The following ASCC3 variants were observed in gnomAD, a reference collection of about 807,000 sequenced individuals.
ASCC3 encodes the protein activating signal cointegrator 1 complex subunit 3.
In ASCC3, 158 loss-of-function variants were observed where a neutral mutation model predicts 256.3. The observed-to-expected ratio is 0.62, with a 90% CI of 0.54 to 0.70. The LOEUF (loss-of-function observed/expected upper bound fraction) is 0.70, where lower values mean the gene tolerates loss of function less well. Ranked by LOEUF, ASCC3 falls within the 30% of genes least tolerant of loss-of-function variation. The pLI, the probability that ASCC3 is intolerant of heterozygous loss-of-function variation, is 0.00. For missense variants in ASCC3, 2,259 were observed against 2,626.0 expected (o/e 0.86, Z 3.05); for synonymous variants, 948 against 883.4 (o/e 1.07, Z -1.30).
intron 13 of ASCC3, among the ~76,000 whole-genome samples, chr6:100,712,077 T>G (rs1157684480): frequency 6.6e-6 from 1 of 152,050 alleles, no homozygotes; most frequent in Admixed American, 6.6e-5. Flanking sequence ...GCAAAAAAAA[T>G]GAATCTAGAC....
At chr6:100,679,597 C>A (rs746976649) in intron 14 of ASCC3, 21 bp downstream of exon 14, 1 of 1,612,944 alleles carries the variant, frequency 6.2e-7, no homozygotes, top group Non-Finnish European at 8.5e-7. Context: ...TGCTTTAGTT[C>A]TTGTCCTCTT....
intron 10 of ASCC3, among the ~76,000 whole-genome samples, chr6:100,742,421 G>A (rs553218848): frequency 2.9e-4 from 44 of 152,234 alleles, no homozygotes; most frequent in African/African-American, 9.1e-4. Flanking sequence ...TAGGGGGTAC[G>A]CTTCCACATT....
rs947036703 is a variant in ASCC3 at position 100,679,754 on chromosome 6, T to C, written c.2152-2A>G. The C allele has an allele frequency of 1.2e-6, 2 of 1,613,168 alleles. No homozygotes were observed. On this transcript the variant is annotated splice_acceptor_variant, in intron 13 of 41. Transcript: ENST00000369162. LOFTEE classifies it high-confidence loss of function. Reference sequence around the variant, plus strand: ...TCGAGCATGTACAAACACCATCACCTGAAAAAAAGGAAAGCAGTTTATTTA... The same window carrying C: ...TCGAGCATGTACAAACACCATCACCCGAAAAAAAGGAAAGCAGTTTATTTA...
At chr6:100,648,504 C>A (rs1775498687) in intron 20 of ASCC3, among the ~76,000 whole-genome samples, 1 of 151,962 alleles carries the variant, frequency 6.6e-6, no homozygotes. Context: ...GCTTTCATTT[C>A]ACATTTTATA....
intron 30 of ASCC3, among the ~76,000 whole-genome samples, chr6:100,616,571 T>C (rs1271672571): frequency 1.3e-5 from 2 of 152,190 alleles, no homozygotes; most frequent in Non-Finnish European, 2.9e-5. Flanking sequence ...CCCTTCTAAT[T>C]TCGTATTACC....
At chr6:100,562,638 A>T (rs1169839085) in intron 36 of ASCC3, among the ~76,000 whole-genome samples, 1 of 152,110 alleles carries the variant, frequency 6.6e-6, no homozygotes, top group Non-Finnish European at 1.5e-5. Flanking sequence ...TGAAAGAGAG[A>T]TACTGGTCTT....
intron 34 of ASCC3, among the ~76,000 whole-genome samples, chr6:100,599,668 TA>T (rs919517334): frequency 6.6e-4 from 100 of 151,166 alleles, no homozygotes; most frequent in African/African-American, 1.8e-3. Context: ...GTTCAACAAT[TA>T]AAAAAAAATT....
intron 27 of ASCC3, 81 bp downstream of exon 27, chr6:100,628,934 A>G (rs1478791278): frequency 2.3e-5 from 28 of 1,223,396 alleles, no homozygotes; most frequent in Non-Finnish European, 3.2e-5. Flanking sequence ...TATAAATATT[A>G]CATGCAAATT....
chr6:100,640,371 T>C lies in ASCC3; in HGVS notation c.3902-1550A>G, dbSNP rs115066473. On this transcript the variant is annotated intron_variant, in intron 24 of 41. Coordinates refer to ENST00000369162, the MANE Select transcript of ASCC3 (RefSeq NM_006828.4). ...TATATTCAAAGAGACCCTGGAATCA[T>C]TGAGGTTACTTTGTATATGTCTAAT... Among the ~76,000 whole-genome samples the C allele has an allele frequency of 5.5e-3, 844 of 152,282 alleles. 10 individuals carry two copies. The highest frequency in any genetic ancestry group is 0.02 in the African/African-American group (815 of 41,560).
chr6:100,575,834 T>A (rs1055455178), intron 36 of ASCC3, among the ~76,000 whole-genome samples: 6 of 152,038 alleles, frequency 3.9e-5, no homozygotes, highest in African/African-American at 1.4e-4. Context: ...AAATTTTCCC[T>A]AACTTTGAAG....
intron 10 of ASCC3, among the ~76,000 whole-genome samples, chr6:100,756,229 C>T (rs923565169): frequency 4.0e-5 from 6 of 151,430 alleles, no homozygotes; most frequent in East Asian, 1.9e-4. Context: ...CTTCTTTGTA[C>T]GACAAGTTAA....
rs1278556608 is a variant in ASCC3 at position 100,644,249 on chromosome 6, TTAA to T, written c.3634-123_3634-121del. ...CATTTATATTACAAAGTTTACTCAT[TTAA>T]ACATTTCAAGTATACAGTTAAATGA... is the stretch of plus-strand genomic sequence containing the variant. On this transcript the variant is annotated intron_variant, in intron 22 of 41. Coordinates refer to ENST00000369162, the MANE Select transcript of ASCC3 (RefSeq NM_006828.4). 4.4e-5 allele frequency: 32 copies of T among 727,392 alleles called. No homozygotes were observed. In the East Asian group the frequency reaches 8.0e-4, roughly 18 times the overall value. The allele number at this position is 727,392 out of a possible 1,614,324, so 45.1% of individuals were successfully genotyped here. A position where few individuals can be genotyped will look rare whatever the true frequency, so the allele number is the denominator to read the frequency against.
intron 27 of ASCC3, among the ~76,000 whole-genome samples, chr6:100,628,260 G>C (rs1461033221): frequency 6.6e-6 from 1 of 152,142 alleles, no homozygotes; most frequent in Non-Finnish European, 1.5e-5. Context: ...AGTCACAAGA[G>C]AAGGGAATAG....
chr6:100,629,278 G>T, intron 26 of ASCC3, 97 bp from the exon 27 acceptor site: 1 of 1,139,090 alleles, frequency 8.8e-7, no homozygotes, highest in Non-Finnish European at 1.3e-6. Flanking sequence ...AATTTTATAA[G>T]GCTTAAAATT....
intron 10 of ASCC3, among the ~76,000 whole-genome samples, chr6:100,742,956 C>T (rs996922033): frequency 6.6e-6 from 1 of 152,150 alleles, no homozygotes; most frequent in Admixed American, 6.5e-5. Flanking sequence ...GTGGACCTCT[C>T]TCGCCTTGCC....
chr6:100,672,778 T>G (rs958127124), intron 14 of ASCC3, among the ~76,000 whole-genome samples: 6 of 152,088 alleles, frequency 3.9e-5, no homozygotes, highest in African/African-American at 1.4e-4. Context: ...TTATTTAAAA[T>G]GTACCTAGAA....
At chr6:100,844,305 A>G (rs778834899) in intron 4 of ASCC3, among the ~76,000 whole-genome samples, 1 of 151,508 alleles carries the variant, frequency 6.6e-6, no homozygotes, top group African/African-American at 2.4e-5. Flanking sequence ...TACACATTGC[A>G]GGACTGTGAA....
chr6:100,602,513 AGT>A (rs768138419), intron 33 of ASCC3, among the ~76,000 whole-genome samples: 7 of 152,176 alleles, frequency 4.6e-5, no homozygotes, highest in Non-Finnish European at 5.9e-5. Flanking sequence ...CGAGAGGTAG[AGT>A]AAGAGCAGGC....
chr6:100,870,356 T>C lies in ASCC3; in HGVS notation c.-41-2318A>G, dbSNP rs1773683154. 3.6e-5 allele frequency among the ~76,000 whole-genome samples: 4 copies of C among 111,874 alleles called. No individual in the cohort carries two copies. The South Asian group carries it at 1.0e-3, about 29-fold the overall frequency. 73.4% of individuals were successfully genotyped at this position (111,874 alleles called of 152,430 possible). A position where few individuals can be genotyped will look rare whatever the true frequency, so the allele number is the denominator to read the frequency against. On this transcript the variant is annotated intron_variant, in intron 1 of 41. Coordinates refer to ENST00000369162, the MANE Select transcript of ASCC3 (RefSeq NM_006828.4). ...TCCAGCTAGGGTGACAGAGTGAGAG[T>C]CCGTCTCAAAAAAAAAAAAAAATTA...
Sources: allele counts gnomAD v4.1 joint callset (sites outside exome capture counted in the v4.1 genomes callset), GRCh38; gene constraint gnomAD v4.1.1; transcripts MANE v1.5; gene names NCBI Gene and HGNC (gene_info 2026-07-23, HGNC 2026-07-21).